The following TOX variants were observed in gnomAD, a reference collection of about 807,000 sequenced individuals.
TOX encodes thymocyte selection-associated high mobility group box protein TOX.
In TOX, 11 loss-of-function variants were observed where a neutral mutation model predicts 53.7. That is an observed-to-expected ratio of 0.20 (90% CI 0.13 to 0.34). TOX has a LOEUF of 0.34. TOX is among the 10% of genes least tolerant of loss of function. The pLI, the probability that TOX is intolerant of heterozygous loss-of-function variation, is 1.00. For synonymous variants in TOX, 225 were observed against 245.3 expected (o/e 0.92, Z 0.77); for missense variants, 570 against 664.6 (o/e 0.86, Z 1.56).
At chr8:59,030,711 T>C (rs1814339185) in intron 1 of TOX, among the ~76,000 whole-genome samples, 1 of 152,196 alleles carries the variant, frequency 6.6e-6, no homozygotes, top group Non-Finnish European at 1.5e-5. Context: ...ATTCAACATG[T>C]TCCAACGGTA....
chr8:58,865,491 T>C (rs1700611488), intron 3 of TOX, among the ~76,000 whole-genome samples: 1 of 152,114 alleles, frequency 6.6e-6, no homozygotes, highest in African/African-American at 2.4e-5. Flanking sequence ...TTTCTGTCCC[T>C]GTTAAATACC....
At chr8:58,831,735 A>T (rs976095737) in intron 5 of TOX, among the ~76,000 whole-genome samples, 1 of 152,192 alleles carries the variant, frequency 6.6e-6, no homozygotes, top group African/African-American at 2.4e-5. Flanking sequence ...GGAACATAGT[A>T]GGTGCTCATG....
intron 3 of TOX, among the ~76,000 whole-genome samples, chr8:58,928,404 T>A (rs994255941): frequency 6.6e-6 from 1 of 152,224 alleles, no homozygotes; most frequent in African/African-American, 2.4e-5. Context: ...TGGCCACTGA[T>A]ACTTTCAGCC....
chr8:59,014,330 C>T (rs1403674202), intron 1 of TOX, among the ~76,000 whole-genome samples: 3 of 152,232 alleles, frequency 2.0e-5, no homozygotes, highest in Non-Finnish European at 4.4e-5. Context: ...AATGGGTTCA[C>T]ATTGGACGCC....
chr8:58,866,841 A>T (rs1020013782), intron 3 of TOX, among the ~76,000 whole-genome samples: 3 of 152,190 alleles, frequency 2.0e-5, no homozygotes, highest in Admixed American at 6.5e-5. Flanking sequence ...ACGTGGTTTA[A>T]TGATATGGAA....
At chr8:58,942,220 G>T (rs902907046) in intron 2 of TOX, among the ~76,000 whole-genome samples, 1 of 152,142 alleles carries the variant, frequency 6.6e-6, no homozygotes, top group African/African-American at 2.4e-5. Context: ...ACACTCTAGG[G>T]TTTCTTCAGT....
chr8:58,884,055 A>T (rs538925368), intron 3 of TOX, among the ~76,000 whole-genome samples: 1 of 152,190 alleles, frequency 6.6e-6, no homozygotes, highest in Non-Finnish European at 1.5e-5. Context: ...ATTTTCGTCA[A>T]ACCACCAGGG....
intron 3 of TOX, among the ~76,000 whole-genome samples, chr8:58,864,107 T>G (rs1275584142): frequency 6.6e-6 from 1 of 152,142 alleles, no homozygotes; most frequent in Non-Finnish European, 1.5e-5. Context: ...AAAGTAATGA[T>G]ATGTCTAAGA....
chr8:58,816,870 C>T (rs1178833941), intron 6 of TOX, among the ~76,000 whole-genome samples: 6 of 152,130 alleles, frequency 3.9e-5, no homozygotes, highest in African/African-American at 1.2e-4. Flanking sequence ...TGCACGACAG[C>T]GTGAAACTCA....
chr8:59,015,388 G>C, intron 1 of TOX, among the ~76,000 whole-genome samples: 1 of 152,160 alleles, frequency 6.6e-6, no homozygotes, highest in Non-Finnish European at 1.5e-5. Flanking sequence ...CGAAAAGCTA[G>C]AGCTGAATTC....
chr8:59,021,481 A>AAAATAT (rs59174995), intron 1 of TOX, among the ~76,000 whole-genome samples: 23 of 64,732 alleles, frequency 3.6e-4, no homozygotes, highest in African/African-American at 1.1e-3. Flanking sequence ...AAAAAAAAAA[A>AAAATAT]ATATATATAT....
At chr8:58,932,759 C>A (rs1173704850) in intron 3 of TOX, among the ~76,000 whole-genome samples, 1 of 152,038 alleles carries the variant, frequency 6.6e-6, no homozygotes, top group Non-Finnish European at 1.5e-5. Flanking sequence ...TCCCTATAGG[C>A]CTGAAGGAAC....
chr8:59,051,503 C>A (rs1219985640), intron 1 of TOX, among the ~76,000 whole-genome samples: 1 of 152,062 alleles, frequency 6.6e-6, no homozygotes, highest in Admixed American at 6.6e-5. Context: ...GTCATTACAT[C>A]ATTCTTTGCA....
rs59174995 is a variant in TOX at position 59,021,481 on chromosome 8, A to AAATAT, written c.103-61474_103-61473insATATT. 4.5e-4 allele frequency among the ~76,000 whole-genome samples: 29 copies of AAATAT among 64,730 alleles called. 1 individual carries two copies. Among genetic ancestry groups the AAATAT allele is most frequent in the African/African-American group, 1.0e-3 (19 of 18,894 alleles). The allele number at this position is 64,730 out of a possible 152,430, so 42.5% of individuals were successfully genotyped here. A position where few individuals can be genotyped will look rare whatever the true frequency, so the allele number is the denominator to read the frequency against. ...CTACAAGCAAAAAAAAAAAAAAAAA[A>AAATAT]ATATATATATATATATATGCACATA... is the stretch of plus-strand genomic sequence containing the variant. On this transcript the variant is annotated intron_variant, in intron 1 of 8. Transcript: ENST00000361421.
chr8:59,070,124 A>G (rs1250969496), intron 1 of TOX, among the ~76,000 whole-genome samples: 1 of 152,252 alleles, frequency 6.6e-6, no homozygotes, highest in East Asian at 1.9e-4. Context: ...AAGCTAATTT[A>G]TAACAAATAT....
At chr8:59,104,599 C>T (rs1455320421) in intron 1 of TOX, among the ~76,000 whole-genome samples, 1 of 152,142 alleles carries the variant, frequency 6.6e-6, no homozygotes, top group African/African-American at 2.4e-5. Flanking sequence ...TGAATTATAG[C>T]TTAATATGTA....
At chr8:59,078,790 A>G (rs1804338971) in intron 1 of TOX, among the ~76,000 whole-genome samples, 1 of 152,204 alleles carries the variant, frequency 6.6e-6, no homozygotes, top group South Asian at 2.1e-4. Context: ...GGCTCAGAAG[A>G]AGACAGGAAG....
Position 58,838,699 on chromosome 8 carries a change from C to CTTTTTTTTTTTTTTTTTTTTTT in TOX, c.694-389_694-388insAAAAAAAAAAAAAAAAAAAAAA, listed in dbSNP as rs35347981. 2.6e-3 allele frequency among the ~76,000 whole-genome samples: 232 copies of CTTTTTTTTTTTTTTTTTTTTTT among 88,874 alleles called. 30 individuals are homozygous for CTTTTTTTTTTTTTTTTTTTTTT. The highest frequency in any genetic ancestry group is 8.0e-3 in the African/African-American group (134 of 16,728). 58.3% of individuals were successfully genotyped at this position (88,874 alleles called of 152,430 possible). On this transcript the variant is annotated intron_variant, in intron 4 of 8. Transcript: ENST00000361421. ...TTTCTTCTAAGGAAGTTATCCTTGT[C>CTTTTTTTTTTTTTTTTTTTTTT]TTTTTTTTTTTTTTTTTTTTTGAGA...
chr8:58,945,976 A>G (rs910880378), intron 2 of TOX, among the ~76,000 whole-genome samples: 9 of 152,110 alleles, frequency 5.9e-5, no homozygotes, highest in African/African-American at 2.2e-4. Context: ...ATCATCTCGT[A>G]TGTATCTTTA....
Sources: allele counts gnomAD v4.1 joint callset (sites outside exome capture counted in the v4.1 genomes callset), GRCh38; gene constraint gnomAD v4.1.1; transcripts MANE v1.5; gene names NCBI Gene and HGNC (gene_info 2026-07-23, HGNC 2026-07-21).